Variants in CCDC180 observed in about 807,000 individuals in gnomAD.
CCDC180 encodes coiled-coil domain-containing protein 180.
In CCDC180, 154 loss-of-function variants were observed where a neutral mutation model predicts 209.2. The ratio of observed to expected loss-of-function variants is 0.74; its 90% CI spans 0.65 to 0.84. The LOEUF is 0.84. CCDC180 is among the 40% of genes least tolerant of loss of function. CCDC180 has a pLI of 0.00. For missense variants in CCDC180, 1,874 were observed against 1,997.3 expected (o/e 0.94, Z 1.18); for synonymous variants, 778 against 749.1 (o/e 1.04, Z -0.63).
At position 97,357,174 on chromosome 9, in the gene CCDC180, G is replaced by C. The variant is rs559036546; in HGVS notation, c.3265-453G>C. Among the ~76,000 whole-genome samples the C allele has an allele frequency of 2.0e-5, 3 of 152,326 alleles. No homozygotes were observed. The East Asian group carries it at 5.8e-4, about 29-fold the overall frequency. On this transcript the variant is annotated intron_variant, in intron 24 of 36. Coordinates refer to ENST00000529487, the MANE Select transcript of CCDC180 (RefSeq NM_020893.6). ...CTGGAAGCCACAGTCCTGGGTCAGA[G>C]CATGACCTTTCTACGGCTCTCTAAG...
chr9:97,361,918 AC>A lies in CCDC180; in HGVS notation c.3656+22del. The A allele has an allele frequency of 1.2e-6, 2 of 1,609,888 alleles. No homozygotes were observed. Among genetic ancestry groups the A allele is most frequent in the Non-Finnish European group, 1.7e-6 (2 of 1,177,754 alleles). On this transcript the variant is annotated intron_variant, in intron 27 of 36. Coordinates refer to ENST00000529487, the MANE Select transcript of CCDC180 (RefSeq NM_020893.6). The stretch of plus-strand genomic sequence containing the variant: ...CCTGCAGTGAGTGGCCCCAGGGTGC[AC>A]CTAAGGCTCTGCCACCCCTGCCCCT...
intron 22 of CCDC180, among the ~76,000 whole-genome samples, chr9:97,352,945 G>A (rs543358925): frequency 2.1e-4 from 29 of 136,384 alleles, no homozygotes; most frequent in African/African-American, 7.1e-4. Flanking sequence ...ATATACGTAT[G>A]TATATATATA....
intron 1 of CCDC180, 23 bp from the exon 2 acceptor site, chr9:97,307,960 G>A: frequency 6.3e-7 from 1 of 1,583,536 alleles, no homozygotes; most frequent in Non-Finnish European, 8.6e-7. Flanking sequence ...CTGAGTTTGG[G>A]ACGGGCGATT....
At position 97,352,069 on chromosome 9, in the gene CCDC180, C is replaced by A. The variant is rs568886285; in HGVS notation, c.3002+1514C>A. Among the ~76,000 whole-genome samples, 31 of 152,182 alleles carry A rather than the reference C, an allele frequency of 2.0e-4. 1 individual carries two copies. The South Asian group carries it at 4.8e-3, about 23-fold the overall frequency. On this transcript the variant is annotated intron_variant, in intron 22 of 36. Transcript: ENST00000529487. ...CGGAGGTTGCCGTGAGCTGAGATCA[C>A]ACCACTGCACTCCAGCCTGGGAGAC...
chr9:97,336,469 T>A (rs557631702), intron 18 of CCDC180, among the ~76,000 whole-genome samples: 15 of 152,262 alleles, frequency 9.9e-5, no homozygotes, highest in African/African-American at 3.6e-4. Flanking sequence ...GATCAGATGG[T>A]TGTAGATGTG....
At chr9:97,364,601 C>T (rs957039071) in intron 29 of CCDC180, 1 of 164,682 alleles carries the variant, frequency 6.1e-6, no homozygotes, top group Non-Finnish European at 1.3e-5. Context: ...CAGAGATCCC[C>T]CCAGACAGCG....
At position 97,343,668 on chromosome 9, in the gene CCDC180, GA is replaced by G. The variant is rs1826160586; in HGVS notation, c.2498+112del. The G allele has an allele frequency of 6.8e-6, 6 of 884,770 alleles. No individual in the cohort carries two copies. The Admixed American group carries it at 1.4e-4, about 21-fold the overall frequency. The allele number at this position is 884,770 out of a possible 1,614,324, so 54.8% of individuals were successfully genotyped here. A position where few individuals can be genotyped will look rare whatever the true frequency, so the allele number is the denominator to read the frequency against. The stretch of plus-strand genomic sequence containing the variant: ...ATTGGGCTGGTATCAGTTGGATAAA[GA>G]AAAAAATGTAGGTAACTGAAGGAAG... On this transcript the variant is annotated intron_variant, in intron 19 of 36. Coordinates refer to ENST00000529487, the MANE Select transcript of CCDC180 (RefSeq NM_020893.6).
chr9:97,340,404 A>C (rs944770159), intron 18 of CCDC180, among the ~76,000 whole-genome samples: 1 of 152,208 alleles, frequency 6.6e-6, no homozygotes, highest in African/African-American at 2.4e-5. Context: ...CCGAGGCAAG[A>C]GACCGAGGAC....
At chr9:97,308,204 C>T (rs1832862443) in intron 2 of CCDC180, 72 bp downstream of exon 2, 4 of 1,369,906 alleles carry the variant, frequency 2.9e-6, no homozygotes, top group African/African-American at 1.5e-5. Context: ...CCCTCCCTCC[C>T]AGGGCTTCCC....
At chr9:97,308,376 G>A (rs2118497827) in intron 2 of CCDC180, among the ~76,000 whole-genome samples, 1 of 152,296 alleles carries the variant, frequency 6.6e-6, no homozygotes, top group African/African-American at 2.4e-5. Context: ...AAATAGCCTG[G>A]ATGGAACCAC....
At chr9:97,309,128 C>G (rs10759610) in intron 2 of CCDC180, among the ~76,000 whole-genome samples, 28,611 of 152,168 alleles carry the variant, frequency 0.19, 3,326 homozygotes, top group Middle Eastern at 0.29. Context: ...TATTATTAGT[C>G]AGTTCTGTTT....
In CCDC180 at chr9:97,371,629, C is replaced by A. The variant is rs1827102982; in HGVS notation, c.4523C>A (p.Thr1508Asn). 6.2e-7 allele frequency: 1 copy of A among 1,607,252 alleles called. No homozygotes were observed. The highest frequency in any genetic ancestry group is 1.3e-5 in the African/African-American group (1 of 74,836). ...AGAAGGAATGGCCAGGTTTTCATAACCAACTTGGCCACCTTCACCGAGAAG... is the reference window on the plus strand; with the variant it reads ...AGAAGGAATGGCCAGGTTTTCATAAACAACTTGGCCACCTTCACCGAGAAG... ...CTRRNGQVFI[T>N]NLATFTEKFL... Residue 1508 changes from threonine (T) to asparagine (N), a missense_variant, in exon 34 of 37, where the codon ACC (threonine) becomes AAC (asparagine). Transcript: ENST00000529487.
chr9:97,357,540 G>A, intron 24 of CCDC180, 87 bp from the exon 25 acceptor site: 1 of 856,852 alleles, frequency 1.2e-6, no homozygotes, highest in Non-Finnish European at 1.9e-6. Context: ...TGCTTAATCA[G>A]TTTCTCAGAT....
chr9:97,329,025 C>T (rs1360281045), intron 16 of CCDC180, among the ~76,000 whole-genome samples: 1 of 152,158 alleles, frequency 6.6e-6, no homozygotes, highest in Admixed American at 6.5e-5. Flanking sequence ...TCCTGCCTGG[C>T]CTGAATGGAA....
intron 8 of CCDC180, 106 bp downstream of exon 8, chr9:97,315,052 C>G: frequency 1.2e-6 from 1 of 806,996 alleles, no homozygotes; most frequent in Non-Finnish European, 2.1e-6. Context: ...TGGTGGGCTT[C>G]TCATCTATAA....
rs1221709447 is a variant in CCDC180, at chr9:97,325,097, C to G, written c.1450C>G (p.Leu484Val). ...LFKYFQEVVQ[L>V]WEAHQSELLV... ...CAAGTATTTCCAGGAGGTGGTACAA[C>G]TGTGGGAGGCACACCAGAGCGAGCT... The change falls in exon 14 of 37, where the codon CTG becomes GTG. Residue 484 changes from leucine to valine, a missense_variant. Physicochemically the swap from Leu to Val is conservative, Grantham distance 32. Coordinates refer to ENST00000529487, the MANE Select transcript of CCDC180 (RefSeq NM_020893.6). 1 of 1,613,978 alleles carries G rather than the reference C, an allele frequency of 6.2e-7. No homozygotes were observed. Among genetic ancestry groups the G allele is most frequent in the Admixed American group, 1.7e-5 (1 of 59,990 alleles).
intron 22 of CCDC180, 141 bp from the exon 23 acceptor site, chr9:97,354,428 A>T: frequency 2.5e-6 from 2 of 808,678 alleles, no homozygotes; most frequent in Middle Eastern, 3.2e-4. Context: ...TCCTGTCCTT[A>T]AGCTATCTGT....
At chr9:97,317,918 C>G (rs1188924118) in intron 9 of CCDC180, among the ~76,000 whole-genome samples, 2 of 152,310 alleles carry the variant, frequency 1.3e-5, no homozygotes, top group South Asian at 4.1e-4. Context: ...CCTATCTGGG[C>G]CTGGCACCTG....
At chr9:97,354,742 A>T (rs760223085) in intron 23 of CCDC180, 29 bp downstream of exon 23, 3 of 1,613,984 alleles carry the variant, frequency 1.9e-6, no homozygotes, top group Non-Finnish European at 2.5e-6. Flanking sequence ...CCCCAGGCCA[A>T]CCGGTTCCAC....
Sources: gnomAD v4.1 joint callset for allele counts (sites outside exome capture counted in the v4.1 genomes callset) on GRCh38, gnomAD v4.1.1 for gene constraint, MANE v1.5 for transcripts, NCBI Gene and HGNC (gene_info 2026-07-23, HGNC 2026-07-21) for gene names.